The following CMAS variants were observed in gnomAD, a reference collection of about 807,000 sequenced individuals.
CMAS encodes the protein N-acylneuraminate cytidylyltransferase.
A neutral mutation model predicts 53.4 loss-of-function variants in CMAS; 21 were observed. The observed-to-expected ratio is 0.39, with a 90% CI of 0.28 to 0.57. The LOEUF is 0.57. Among genes scored for constraint, CMAS ranks in the 20% least tolerant of loss-of-function variants. CMAS has a pLI of 0.56. For missense variants in CMAS, 384 were observed against 534.9 expected, an observed-to-expected ratio of 0.72 and a Z score of 2.78; for synonymous variants, 189 against 195.2, an observed-to-expected ratio of 0.97 and a Z score of 0.27.
At chr12:22,055,081 C>A in intron 1 of CMAS, 68 bp from the exon 2 acceptor site, 1 of 1,239,360 alleles carries the variant, frequency 8.1e-7, no homozygotes, top group Non-Finnish European at 1.1e-6. Context: ...TTTATGGTTA[C>A]AGAGCTCCAT....
chr12:22,057,117 CAG>C (rs1234784555), intron 3 of CMAS, among the ~76,000 whole-genome samples: 2 of 151,964 alleles, frequency 1.3e-5, no homozygotes, highest in Admixed American at 1.3e-4. Context: ...TGGAATTGAA[CAG>C]GGGATGATTT....
At chr12:22,057,578 T>G (rs1950276443) in intron 3 of CMAS, among the ~76,000 whole-genome samples, 1 of 152,074 alleles carries the variant, frequency 6.6e-6, no homozygotes, top group Admixed American at 6.6e-5. Context: ...AAATAAAACT[T>G]ATTTCTGTAT....
At chr12:22,047,481 T>G (rs182223302) in intron 1 of CMAS, among the ~76,000 whole-genome samples, 467 of 152,336 alleles carry the variant, frequency 3.1e-3, no homozygotes, top group South Asian at 6.8e-3. Context: ...TCTCTTTTTC[T>G]TTTTGAACCT....
At chr12:22,062,594 G>GTCTT (rs1294326397) in intron 7 of CMAS, among the ~76,000 whole-genome samples, 160 bp downstream of exon 7, 2 of 152,176 alleles carry the variant, frequency 1.3e-5, no homozygotes, top group African/African-American at 4.8e-5. Flanking sequence ...AACTGGGACA[G>GTCTT]TCTTTCTGGA....
intron 4 of CMAS, among the ~76,000 whole-genome samples, chr12:22,060,272 G>GTT (rs1950299361): frequency 7.2e-6 from 1 of 138,296 alleles, no homozygotes; most frequent in Non-Finnish European, 1.5e-5. Flanking sequence ...TAGGGAACTT[G>GTT]AACTGTTTAG....
rs139792913 is a variant in CMAS, at chr12:22,055,668, T to C, written c.559+58T>C. 7 of 1,467,190 alleles carry C rather than the reference T, an allele frequency of 4.8e-6. No individual in the cohort carries two copies. The African/African-American group carries it at 7.0e-5, about 15-fold the overall frequency. 90.9% of individuals were successfully genotyped at this position (1,467,190 alleles called of 1,614,324 possible). A position where few individuals can be genotyped will look rare whatever the true frequency, so the allele number is the denominator to read the frequency against. On this transcript the variant is annotated intron_variant, in intron 3 of 7. Transcript: ENST00000229329. ...TTTATTGAGAATCAATTTTTTTGTA[T>C]ATAAATATCCTTTAGGCATGAGGAG... is the stretch of plus-strand genomic sequence containing the variant.
At position 22,046,432 on chromosome 12, in the gene CMAS, G is replaced by C; in HGVS notation, c.129G>C (p.Pro43=). ...AGGGCCGAGGTGTGGAGAAGCCCCC[G>C]CACCTGGCAGCCCTAATTCTGGCCC... The part of the protein sequence containing the change: ...GGQGRGVEKP[P]HLAALILARG... Residue 43 remains proline, a synonymous_variant, in exon 1 of 8, where the codon CCG becomes CCC. Transcript: ENST00000229329. 6.2e-7 allele frequency: 1 copy of C among 1,608,248 alleles called. No individual in the cohort carries two copies. Among genetic ancestry groups the C allele is most frequent in the South Asian group, 1.1e-5 (1 of 89,582 alleles).
At chr12:22,059,110 A>G (rs1307541128) in intron 4 of CMAS, among the ~76,000 whole-genome samples, 2 of 148,384 alleles carry the variant, frequency 1.3e-5, no homozygotes, top group Non-Finnish European at 3.0e-5. Context: ...CCTGGGTGTC[A>G]GGAAACCCGG....
Position 22,049,619 on chromosome 12 carries a change from G to A in CMAS, c.260+3056G>A, listed in dbSNP as rs143255289. Among the ~76,000 whole-genome samples, 313 of 152,244 alleles carry A rather than the reference G, an allele frequency of 2.1e-3. 3 individuals carry two copies. Among genetic ancestry groups the A allele is most frequent in the African/African-American group, 6.8e-3 (283 of 41,548 alleles). The stretch of plus-strand genomic sequence containing the variant: ...TATCTGTCACTATATCAATGGTGGC[G>A]ATTAGAAGAAATAAAATTGGCTGGG... On this transcript the variant is annotated intron_variant, in intron 1 of 7. Transcript: ENST00000229329.
At chr12:22,053,394 C>T (rs1019293589) in intron 1 of CMAS, among the ~76,000 whole-genome samples, 4 of 150,598 alleles carry the variant, frequency 2.7e-5, no homozygotes, top group African/African-American at 9.8e-5. Flanking sequence ...TACATATACA[C>T]ACACACATAT....
intron 1 of CMAS, among the ~76,000 whole-genome samples, chr12:22,054,672 TG>T (rs1330346185): frequency 1.3e-5 from 2 of 152,236 alleles, no homozygotes; most frequent in East Asian, 3.9e-4. Flanking sequence ...ATTTTGGATT[TG>T]GATGGAGAAT....
At position 22,065,181 on chromosome 12, in the gene CMAS, A is replaced by G; in HGVS notation, c.1175A>G (p.Asp392Gly). ...GTGGGCCTAAGTGGCGCTCCTGCTG[A>G]TGCCTGTTCTACTGCCCAGAAGGCT... ...KRVGLSGAPA[D>G]ACSTAQKAVG... is the part of the protein sequence containing the mutation. The change falls in exon 8 of 8, where the codon GAT becomes GGT. Residue 392 changes from aspartate (D) to glycine (G), a missense_variant. This residue lies in a region of CMAS where 134 missense variants were observed against 154.6 expected (regional missense o/e 0.87). Coordinates refer to ENST00000229329, the MANE Select transcript of CMAS (RefSeq NM_018686.6). 9 of 1,614,102 alleles carry G rather than the reference A, an allele frequency of 5.6e-6. No homozygotes were observed. The highest frequency in any genetic ancestry group is 7.6e-6 in the Non-Finnish European group (9 of 1,179,946).
intron 1 of CMAS, among the ~76,000 whole-genome samples, chr12:22,053,518 T>TAC (rs1950248998): frequency 6.6e-6 from 1 of 150,714 alleles, no homozygotes; most frequent in East Asian, 2.0e-4. Context: ...CAAATATATA[T>TAC]ATATATATAC....
In CMAS at chr12:22,065,273, C is replaced by T. The variant is rs773508769; in HGVS notation, c.1267C>T (p.Leu423=). Residue 423 remains leucine (L), a synonymous_variant, in exon 8 of 8, where the codon CTA becomes TTA. Transcript: ENST00000229329. Reference sequence around the variant, plus strand: ...CCGAGAATTTGCAGAGCACATTTGCCTACTAATGGAAAAGGTTAATAATTC... The same window carrying T: ...CCGAGAATTTGCAGAGCACATTTGCTTACTAATGGAAAAGGTTAATAATTC... ...AIREFAEHIC[L]LMEKVNNSCQ... is the part of the protein sequence containing the mutation. 2 of 1,613,454 alleles carry T rather than the reference C, an allele frequency of 1.2e-6. No homozygotes were observed. Among genetic ancestry groups the T allele is most frequent in the Non-Finnish European group, 1.7e-6 (2 of 1,179,658 alleles).
chr12:22,056,820 T>G (rs760860447), intron 3 of CMAS, among the ~76,000 whole-genome samples: 17 of 152,226 alleles, frequency 1.1e-4, no homozygotes, highest in Non-Finnish European at 1.9e-4. Context: ...CCTCTGATTA[T>G]GCAAAGCTTG....
chr12:22,063,419 ATACTT>A (rs937054603), intron 7 of CMAS, among the ~76,000 whole-genome samples: 1 of 152,222 alleles, frequency 6.6e-6, no homozygotes, highest in African/African-American at 2.4e-5. Flanking sequence ...AATTCCAACT[ATACTT>A]ATTATCTTTC....
intron 7 of CMAS, chr12:22,063,931 C>G (rs1227396392): frequency 1.4e-5 from 2 of 142,062 alleles, no homozygotes; most frequent in Non-Finnish European, 3.2e-5. Context: ...CCCATGTCTA[C>G]AAAAAAAAAA....
At chr12:22,060,970 T>TA (rs1950305562) in intron 5 of CMAS, 44 bp downstream of exon 5, 1 of 1,149,494 alleles carries the variant, frequency 8.7e-7, no homozygotes. Flanking sequence ...TAAATCTTAA[T>TA]AATTATATTT....
Position 22,065,445 on chromosome 12 carries a change from C to T in CMAS, c.*134C>T. On this transcript the variant is annotated 3_prime_UTR_variant, in exon 8 of 8. Coordinates refer to ENST00000229329, the MANE Select transcript of CMAS (RefSeq NM_018686.6). ...GTTTGTGATATATATATATTGTGCT[C>T]TACTTTTCTCTTTACGCAAGATAAT... is the stretch of plus-strand genomic sequence containing the variant. 1 of 634,886 alleles carries T rather than the reference C, an allele frequency of 1.6e-6. No homozygotes were observed. The highest frequency in any genetic ancestry group is 2.6e-6 in the Non-Finnish European group (1 of 378,262). 39.3% of individuals were successfully genotyped at this position (634,886 alleles called of 1,614,324 possible). A position where few individuals can be genotyped will look rare whatever the true frequency, so the allele number is the denominator to read the frequency against.
Sources: allele counts gnomAD v4.1 joint callset (sites outside exome capture counted in the v4.1 genomes callset), GRCh38; gene constraint gnomAD v4.1.1; regional missense constraint gnomAD v4.1.1; transcripts MANE v1.5; gene names NCBI Gene and HGNC (gene_info 2026-07-23, HGNC 2026-07-21).